GPC5: variants seen among roughly 807,000 people sequenced by gnomAD.
GPC5 encodes the protein glypican 5.
In GPC5, 47 loss-of-function variants were observed where a neutral mutation model predicts 53.9. The observed-to-expected ratio is 0.87, with a 90% CI of 0.69 to 1.11. GPC5 has a LOEUF of 1.11. GPC5 is among the 50% of genes most tolerant of loss of function. The pLI is 0.00. For synonymous variants in GPC5, 286 were observed against 263.3 expected, an observed-to-expected ratio of 1.09 and a Z score of -0.84; for missense variants, 748 against 713.1, an observed-to-expected ratio of 1.05 and a Z score of -0.56.
chr13:92,572,283 T>C (rs1883051606), intron 7 of GPC5, among the ~76,000 whole-genome samples: 1 of 152,224 alleles, frequency 6.6e-6, no homozygotes, highest in Non-Finnish European at 1.5e-5. Flanking sequence ...AAAAATACTA[T>C]GCTAAAAAGA....
At chr13:91,684,757 T>A (rs2139757218) in intron 2 of GPC5, among the ~76,000 whole-genome samples, 1 of 152,316 alleles carries the variant, frequency 6.6e-6, no homozygotes, top group East Asian at 1.9e-4. Flanking sequence ...AGCATCACAT[T>A]TCTCCTATGT....
At chr13:91,450,915 A>G (rs2139104271) in intron 2 of GPC5, among the ~76,000 whole-genome samples, 4 of 152,310 alleles carry the variant, frequency 2.6e-5, no homozygotes, top group Admixed American at 2.6e-4. Flanking sequence ...ACCCACTTTT[A>G]TTGAATTGAA....
intron 2 of GPC5, among the ~76,000 whole-genome samples, chr13:91,539,561 G>A (rs988001518): frequency 6.6e-6 from 1 of 152,138 alleles, no homozygotes; most frequent in Non-Finnish European, 1.5e-5. Flanking sequence ...TCTGCTCTAT[G>A]AAGCATCTAC....
chr13:91,478,948 C>A (rs1439928501), intron 2 of GPC5, among the ~76,000 whole-genome samples: 1 of 136,144 alleles, frequency 7.3e-6, no homozygotes, highest in Non-Finnish European at 1.6e-5. Flanking sequence ...CAGTCTTGTT[C>A]TGTTACCCAC....
intron 1 of GPC5, among the ~76,000 whole-genome samples, chr13:91,425,182 T>C (rs1380578963): frequency 6.6e-6 from 1 of 152,246 alleles, no homozygotes; most frequent in Non-Finnish European, 1.5e-5. Flanking sequence ...TGTATTTAGA[T>C]ATAATAGCAG....
chr13:91,853,002 T>C (rs952187809), intron 5 of GPC5, among the ~76,000 whole-genome samples: 1 of 152,108 alleles, frequency 6.6e-6, no homozygotes, highest in East Asian at 1.9e-4. Context: ...GTAGTTTACA[T>C]TCTAGTGTGG....
chr13:92,206,015 C>A (rs1262434992), intron 7 of GPC5, among the ~76,000 whole-genome samples: 20 of 132,796 alleles, frequency 1.5e-4, no homozygotes, highest in Non-Finnish European at 2.5e-4. Context: ...GCACTCCAGC[C>A]TGCGCCATGG....
intron 6 of GPC5, among the ~76,000 whole-genome samples, chr13:92,099,144 A>AT (rs1001171935): frequency 1.9e-4 from 29 of 152,040 alleles, no homozygotes; most frequent in African/African-American, 6.8e-4. Flanking sequence ...CAACTATCAC[A>AT]TTTTTAGGTA....
At chr13:92,658,571 A>C (rs2139179753) in intron 7 of GPC5, among the ~76,000 whole-genome samples, 1 of 152,292 alleles carries the variant, frequency 6.6e-6, no homozygotes, top group South Asian at 2.1e-4. Flanking sequence ...ATATTTAAAA[A>C]TCTTCTAGCG....
chr13:92,179,125 A>G (rs1036271343), intron 7 of GPC5, among the ~76,000 whole-genome samples: 2 of 152,192 alleles, frequency 1.3e-5, no homozygotes, highest in Admixed American at 1.3e-4. Context: ...CACAATGAGT[A>G]ATTAATAGTT....
intron 2 of GPC5, among the ~76,000 whole-genome samples, chr13:91,456,957 G>A (rs1340601863): frequency 6.6e-6 from 1 of 151,786 alleles, no homozygotes; most frequent in Non-Finnish European, 1.5e-5. Flanking sequence ...TTTATAAGAG[G>A]CTGGTGGAAA....
At chr13:92,515,519 GTACA>G (rs1043919582) in intron 7 of GPC5, among the ~76,000 whole-genome samples, 4 of 152,112 alleles carry the variant, frequency 2.6e-5, no homozygotes, top group African/African-American at 9.7e-5. Flanking sequence ...TTTGACCTAT[GTACA>G]TACAACTGAG....
intron 5 of GPC5, among the ~76,000 whole-genome samples, chr13:91,765,619 C>A (rs1238414381): frequency 1.3e-5 from 2 of 152,178 alleles, no homozygotes; most frequent in Non-Finnish European, 1.5e-5. Flanking sequence ...GACTTGGAAT[C>A]TCAAACTGGT....
At chr13:91,589,058 T>C (rs946668020) in intron 2 of GPC5, among the ~76,000 whole-genome samples, 1 of 152,200 alleles carries the variant, frequency 6.6e-6, no homozygotes, top group African/African-American at 2.4e-5. Context: ...ATCCACTTTA[T>C]TGAAATGACT....
Position 92,732,356 on chromosome 13 carries a change from C to T in GPC5, c.1562-133926C>T, listed in dbSNP as rs72641075. 5.7e-3 allele frequency among the ~76,000 whole-genome samples: 865 copies of T among 151,578 alleles called. 5 individuals carry two copies. The highest frequency in any genetic ancestry group is 0.012 in the South Asian group (59 of 4,816). On this transcript the variant is annotated intron_variant, in intron 7 of 7. Transcript: ENST00000377067. ...TCTTGAGCTTCTCACTTATATTTTT[C>T]CTCCTTTGAACACCAAATATTTTAA...
At chr13:92,191,788 A>G (rs1566477614) in intron 7 of GPC5, among the ~76,000 whole-genome samples, 1 of 152,332 alleles carries the variant, frequency 6.6e-6, no homozygotes, top group East Asian at 1.9e-4. Context: ...TGTAATTCTA[A>G]CTAAAAATGC....
At position 92,296,223 on chromosome 13, in the gene GPC5, C is replaced by G. The variant is rs117688988; in HGVS notation, c.1561+151234C>G. On this transcript the variant is annotated intron_variant, in intron 7 of 7. Transcript: ENST00000377067. ...TTCTTAGCTTTGGTGGTTTAATGCA[C>G]TATTTTTGTGCTGGTTAGCCTCCCG... 7.3e-3 allele frequency among the ~76,000 whole-genome samples: 1,113 copies of G among 152,172 alleles called. 5 individuals carry two copies. Among genetic ancestry groups the G allele is most frequent in the Non-Finnish European group, 0.013 (851 of 68,016 alleles).
chr13:91,752,297 C>G (rs984773969), intron 4 of GPC5, among the ~76,000 whole-genome samples: 2 of 152,084 alleles, frequency 1.3e-5, no homozygotes, highest in African/African-American at 4.8e-5. Flanking sequence ...GTTGTCCAGG[C>G]TGGTCTCCAA....
chr13:92,091,466 T>TA (rs2041379650), intron 6 of GPC5, among the ~76,000 whole-genome samples: 1 of 151,982 alleles, frequency 6.6e-6, no homozygotes, highest in Non-Finnish European at 1.5e-5. Context: ...CTTATTTATT[T>TA]AAAAATATTA....
Sources: gnomAD v4.1 joint callset for allele counts (sites outside exome capture counted in the v4.1 genomes callset) on GRCh38, gnomAD v4.1.1 for gene constraint, MANE v1.5 for transcripts, NCBI Gene and HGNC (gene_info 2026-07-23, HGNC 2026-07-21) for gene names.